WLS: variants seen among roughly 807,000 people sequenced by gnomAD.
The protein encoded by WLS is Wnt ligand secretion mediator.
Under a neutral mutation model 62.8 loss-of-function variants are expected in WLS, and 23 were observed. The ratio of observed to expected loss-of-function variants is 0.37; its 90% CI spans 0.26 to 0.52. The LOEUF (loss-of-function observed/expected upper bound fraction) is 0.52. Ranked by LOEUF, WLS falls within the 20% of genes least tolerant of loss-of-function variation. WLS has a pLI of 0.92. For synonymous variants in WLS, 246 were observed against 244.1 expected (o/e 1.01, Z -0.07); for missense variants, 615 against 697.3 (o/e 0.88, Z 1.33).
intron 1 of WLS, among the ~76,000 whole-genome samples, chr1:68,213,859 C>T (rs375140963): frequency 2.6e-5 from 4 of 152,172 alleles, no homozygotes; most frequent in East Asian, 3.8e-4. Context: ...CTTGTAGCAA[C>T]GTGTGCTGCT....
chr1:68,112,400 C>T (rs1434801381), intron 11 of WLS, among the ~76,000 whole-genome samples: 3 of 152,216 alleles, frequency 2.0e-5, no homozygotes, highest in Admixed American at 6.5e-5. Context: ...CCACCTACTT[C>T]TCACGCTCTA....
intron 11 of WLS, among the ~76,000 whole-genome samples, chr1:68,130,139 G>A (rs1646497071): frequency 1.3e-5 from 2 of 152,182 alleles, no homozygotes. Flanking sequence ...CATATGCACT[G>A]GAGACAGCTT....
At chr1:68,153,358 G>C (rs1344388620) in intron 5 of WLS, among the ~76,000 whole-genome samples, 159 bp downstream of exon 5, 1 of 152,158 alleles carries the variant, frequency 6.6e-6, no homozygotes, top group African/African-American at 2.4e-5. Context: ...AACTTGCATA[G>C]GAAAACTGCA....
chr1:68,177,593 A>G (rs1647315504), intron 2 of WLS, among the ~76,000 whole-genome samples: 1 of 152,166 alleles, frequency 6.6e-6, no homozygotes, highest in Non-Finnish European at 1.5e-5. Context: ...TTCTGGGCCC[A>G]AGCAGTCCTC....
chr1:68,216,336 T>C (rs1649725993), intron 1 of WLS, among the ~76,000 whole-genome samples: 1 of 152,246 alleles, frequency 6.6e-6, no homozygotes, highest in Admixed American at 6.5e-5. Context: ...CCTGATGGAC[T>C]GGCCTATCTT....
intron 1 of WLS, chr1:68,231,467 A>G: frequency 3.7e-6 from 1 of 268,380 alleles, no homozygotes; most frequent in Non-Finnish European, 7.5e-6. Context: ...GCAGGAGGCC[A>G]AAAGCAACAC....
Position 68,153,725 on chromosome 1 carries a change from T to G in WLS, c.667-72A>C, listed in dbSNP as rs537502612. On this transcript the variant is annotated intron_variant, in intron 4 of 11. Coordinates refer to ENST00000262348, the MANE Select transcript of WLS (RefSeq NM_024911.7). Reference sequence around the variant, plus strand: ...ATTTCCTTCTACTAGCAAATGCTTTTGTGGGAGAGGTAAGTGGAGACCTCG... The same window carrying G: ...ATTTCCTTCTACTAGCAAATGCTTTGGTGGGAGAGGTAAGTGGAGACCTCG... 69 of 1,600,074 alleles carry G rather than the reference T, an allele frequency of 4.3e-5. 1 individual carries two copies. The South Asian group carries it at 7.7e-4, about 18-fold the overall frequency.
chr1:68,159,626 T>C (rs929156690), intron 2 of WLS, among the ~76,000 whole-genome samples: 1 of 152,202 alleles, frequency 6.6e-6, no homozygotes, highest in Non-Finnish European at 1.5e-5. Context: ...AAGTGCCTTA[T>C]GTTCTTGAAA....
chr1:68,198,259 G>C (rs1232068757), intron 1 of WLS, among the ~76,000 whole-genome samples: 2 of 152,190 alleles, frequency 1.3e-5, no homozygotes, highest in African/African-American at 2.4e-5. Context: ...GGTTGGTTAA[G>C]ATAGCCTTGG....
intron 1 of WLS, among the ~76,000 whole-genome samples, chr1:68,207,026 T>C (rs1649310114): frequency 6.6e-6 from 1 of 152,184 alleles, no homozygotes; most frequent in South Asian, 2.1e-4. Flanking sequence ...GGGATCTGAA[T>C]GTATTCTGAG....
chr1:68,213,359 G>A (rs1362456622), intron 1 of WLS, among the ~76,000 whole-genome samples: 5 of 150,654 alleles, frequency 3.3e-5, no homozygotes, highest in African/African-American at 1.2e-4. Flanking sequence ...GCTGAGGCAG[G>A]AGAATCACTT....
rs183516609 is a variant in WLS at position 68,153,496 on chromosome 1, C to T, written c.803+21G>A. On this transcript the variant is annotated intron_variant, in intron 5 of 11. Coordinates refer to ENST00000262348, the MANE Select transcript of WLS (RefSeq NM_024911.7). ...ATGAGAAGCCAGTATTCCTGAAGAG[C>T]GCTCCAAAACCAGCTCTTACTTTTC... The T allele has an allele frequency of 1.6e-3, 2,625 of 1,613,646 alleles. 5 individuals carry two copies. Among genetic ancestry groups the T allele is most frequent in the Non-Finnish European group, 2.0e-3 (2,334 of 1,179,740 alleles).
intron 2 of WLS, among the ~76,000 whole-genome samples, chr1:68,179,691 G>C (rs1200729718): frequency 1.3e-5 from 2 of 152,164 alleles, no homozygotes; most frequent in Non-Finnish European, 2.9e-5. Flanking sequence ...AAAGCTGTCA[G>C]GAGGAAAGTC....
Position 68,155,206 on chromosome 1 carries a change from T to C in WLS, c.559A>G (p.Ile187Val), listed in dbSNP as rs766335171. The C allele has an allele frequency of 1.9e-6, 3 of 1,613,982 alleles. No individual in the cohort carries two copies. The highest frequency in any genetic ancestry group is 1.3e-5 in the African/African-American group (1 of 75,022). ...TAAAACTTATGGGCCACAGACCCAA[T>C]TTCCATGAAAGGAAGGACATCACAT... is the stretch of plus-strand genomic sequence containing the variant. Reference protein sequence around the residue: ...YECDVLPFMEIGSVAHKFYLL... With the variant: ...YECDVLPFMEVGSVAHKFYLL... Residue 187 changes from isoleucine (I) to valine (V), a missense_variant, in exon 4 of 12, where the codon ATT becomes GTT. Coordinates refer to ENST00000262348, the MANE Select transcript of WLS (RefSeq NM_024911.7).
downstream of WLS, among the ~76,000 whole-genome samples, chr1:68,124,865 A>G (rs1347805537): frequency 6.6e-6 from 1 of 152,228 alleles, no homozygotes; most frequent in African/African-American, 2.4e-5. Context: ...AACTGGTTTT[A>G]GACTCCAGGA....
chr1:68,151,098 A>C (rs932347960), intron 5 of WLS, among the ~76,000 whole-genome samples: 1 of 152,232 alleles, frequency 6.6e-6, no homozygotes, highest in Non-Finnish European at 1.5e-5. Context: ...GATCAGGAAC[A>C]TCATAGAGTT....
intron 11 of WLS, among the ~76,000 whole-genome samples, chr1:68,116,910 AC>A (rs1299802671): frequency 1.3e-5 from 2 of 152,194 alleles, no homozygotes; most frequent in Non-Finnish European, 2.9e-5. Flanking sequence ...GGCTAACAGA[AC>A]TGTCCCTCCT....
downstream of WLS, among the ~76,000 whole-genome samples, chr1:68,123,317 C>T (rs916749862): frequency 3.3e-5 from 5 of 152,244 alleles, no homozygotes; most frequent in African/African-American, 7.2e-5. Context: ...TTGTTTCTTT[C>T]GTCTTTTTTC....
At chr1:68,142,447 C>T (rs1047101889) in intron 10 of WLS, among the ~76,000 whole-genome samples, 5 of 152,182 alleles carry the variant, frequency 3.3e-5, no homozygotes, top group African/African-American at 9.7e-5. Flanking sequence ...CTGTGCACTA[C>T]TGAGGGACTG....
Sources: allele counts gnomAD v4.1 joint callset (sites outside exome capture counted in the v4.1 genomes callset), GRCh38; gene constraint gnomAD v4.1.1; transcripts MANE v1.5; gene names NCBI Gene and HGNC (gene_info 2026-07-23, HGNC 2026-07-21).